The following GTF3C4 variants were observed in gnomAD, a reference collection of about 807,000 sequenced individuals.
The protein encoded by GTF3C4 is general transcription factor 3C polypeptide 4.
GTF3C4 carries 28 observed loss-of-function variants against 67.5 expected under a neutral mutation model. The ratio of observed to expected loss-of-function variants is 0.41; its 90% CI spans 0.31 to 0.57. The LOEUF (loss-of-function observed/expected upper bound fraction) is 0.57. Ranked by LOEUF, GTF3C4 falls within the 20% of genes least tolerant of loss-of-function variation. The pLI is 0.21. For synonymous variants in GTF3C4, 409 were observed against 393.0 expected (o/e 1.04, Z -0.48); for missense variants, 831 against 1,033.2 (o/e 0.80, Z 2.68).
intron 1 of GTF3C4, among the ~76,000 whole-genome samples, chr9:132,673,056 C>T (rs757057691): frequency 6.6e-6 from 1 of 152,164 alleles, no homozygotes; most frequent in South Asian, 2.1e-4. Context: ...TGGTGGCGGG[C>T]GCCTGTAGTC....
chr9:132,686,317 G>A (rs1836026543), intron 3 of GTF3C4, among the ~76,000 whole-genome samples: 1 of 152,178 alleles, frequency 6.6e-6, no homozygotes, highest in Admixed American at 6.5e-5. Context: ...AAATACCCCA[G>A]TATGATTTCT....
At chr9:132,670,051 G>T, upstream of GTF3C4, 1 of 1,564,598 alleles carries the variant, frequency 6.4e-7, no homozygotes, top group South Asian at 1.2e-5. Context: ...GGTCCGGAAC[G>T]GCTCCAGCTG....
chr9:132,670,312 C>G, upstream of GTF3C4: 2 of 1,489,366 alleles, frequency 1.3e-6, no homozygotes, highest in Non-Finnish European at 1.8e-6. Context: ...GAACTAAAGC[C>G]TGTCTGGGTA....
At position 132,670,700 on chromosome 9, in the gene GTF3C4, G is replaced by A; in HGVS notation, c.102G>A (p.Glu34=). The stretch of plus-strand genomic sequence containing the variant: ...GGGGCGGCGAGGCGGGCGGGAAGGA[G>A]CCAGCAGCGGACGCGGCCCCGGGGC... The part of the protein sequence containing the change: ...GEGGGEAGGK[E]PAADAAPGPS... The change falls in exon 1 of 5, where the codon GAG becomes GAA. Residue 34 remains glutamate, a synonymous_variant. Transcript: ENST00000372146. 2 of 1,523,996 alleles carry A rather than the reference G, an allele frequency of 1.3e-6. No individual in the cohort carries two copies. The highest frequency in any genetic ancestry group is 1.8e-6 in the Non-Finnish European group (2 of 1,142,504). The allele number at this position is 1,523,996 out of a possible 1,614,324, so 94.4% of individuals were successfully genotyped here. A position where few individuals can be genotyped will look rare whatever the true frequency, so the allele number is the denominator to read the frequency against.
At position 132,679,852 on chromosome 9, in the gene GTF3C4, C is replaced by G. The variant is rs1835915531; in HGVS notation, c.2184+49C>G. On this transcript the variant is annotated intron_variant, in intron 2 of 4. Transcript: ENST00000372146. The surrounding 1 kb of genome is among the most constrained non-coding windows in gnomAD (Gnocchi z 5.9). Reference sequence around the variant, plus strand: ...CTGAAATTGTAAAGCCTGCTTTCTTCATGAGAAAGAAATGACCTAAATTGA... The same window carrying G: ...CTGAAATTGTAAAGCCTGCTTTCTTGATGAGAAAGAAATGACCTAAATTGA... The G allele has an allele frequency of 6.7e-7, 1 of 1,488,532 alleles. No individual in the cohort carries two copies. Among genetic ancestry groups the G allele is most frequent in the African/African-American group, 1.4e-5 (1 of 71,126 alleles). 92.2% of individuals were successfully genotyped at this position (1,488,532 alleles called of 1,614,324 possible).
intron 3 of GTF3C4, among the ~76,000 whole-genome samples, chr9:132,686,114 T>C (rs904484862): frequency 1.7e-5 from 2 of 119,264 alleles, no homozygotes; most frequent in African/African-American, 7.4e-5. Flanking sequence ...TGATTACTTT[T>C]GTTTTTACAG....
intron 1 of GTF3C4, among the ~76,000 whole-genome samples, chr9:132,673,282 T>C (rs1445430038): frequency 6.6e-6 from 1 of 152,202 alleles, no homozygotes; most frequent in Non-Finnish European, 1.5e-5. Context: ...TGATAAAATT[T>C]TGACTGTCAT....
At position 132,691,346 on chromosome 9, in the gene GTF3C4, A is replaced by AGGTGC. The variant is rs763133339; in HGVS notation, c.*2402_*2406dup. 1.3e-5 allele frequency: 2 copies of AGGTGC among 152,224 alleles called. No homozygotes were observed. Among genetic ancestry groups the AGGTGC allele is most frequent in the Non-Finnish European group, 2.9e-5 (2 of 68,040 alleles). 9.4% of individuals were successfully genotyped at this position (152,224 alleles called of 1,614,324 possible). ...GTGGGAATGGCACCAGACGTTTTTC[A>AGGTGC]GGTGCCTCTTGCAATTCAAACTTAC... On this transcript the variant is annotated 3_prime_UTR_variant, in exon 5 of 5. Transcript: ENST00000372146.
At chr9:132,670,228 G>T (rs1835666497), upstream of GTF3C4, 3 of 1,536,868 alleles carry the variant, frequency 2.0e-6, no homozygotes, top group Non-Finnish European at 2.6e-6. Flanking sequence ...GAATGCCTCT[G>T]AGAAGCGAGA....
At chr9:132,682,978 T>C (rs939305529) in intron 2 of GTF3C4, among the ~76,000 whole-genome samples, 2 of 152,152 alleles carry the variant, frequency 1.3e-5, no homozygotes, top group Non-Finnish European at 2.9e-5. Context: ...ATTACCTCTC[T>C]CACTCCCAGC....
chr9:132,686,683 G>A (rs143998276), intron 3 of GTF3C4, among the ~76,000 whole-genome samples: 1 of 152,072 alleles, frequency 6.6e-6, no homozygotes, highest in Admixed American at 6.5e-5. Flanking sequence ...TTTTGCCTTC[G>A]ATATTCTTCA....
chr9:132,683,840 T>C, intron 3 of GTF3C4, 147 bp downstream of exon 3: 1 of 775,480 alleles, frequency 1.3e-6, no homozygotes, highest in Non-Finnish European at 2.0e-6. Context: ...TAAAGCCTGA[T>C]GTGGACTTTT....
Position 132,678,846 on chromosome 9 carries a change from A to G in GTF3C4, c.1227A>G (p.Ala409=), listed in dbSNP as rs1835901327. ...GGTGTCTTCTTCTGATCTCCAAAGC[A>G]GGGCTGAATGTTCACAATTCCCATG... ...VFWCLLLISK[A]GLNVHNSHVT... is the part of the protein sequence containing the mutation. Residue 409 remains alanine, a synonymous_variant, in exon 2 of 5, where the codon GCA becomes GCG. Coordinates refer to ENST00000372146, the MANE Select transcript of GTF3C4 (RefSeq NM_012204.4). The surrounding 1 kb of genome is among the most constrained non-coding windows in gnomAD (Gnocchi z 6.5). 1 of 1,614,212 alleles carries G rather than the reference A, an allele frequency of 6.2e-7. No individual in the cohort carries two copies. Among genetic ancestry groups the G allele is most frequent in the Non-Finnish European group, 8.5e-7 (1 of 1,180,034 alleles).
intron 4 of GTF3C4, among the ~76,000 whole-genome samples, chr9:132,687,551 A>G (rs1266308266): frequency 6.6e-6 from 1 of 152,236 alleles, no homozygotes; most frequent in Non-Finnish European, 1.5e-5. Context: ...TGCTTACTGC[A>G]TTTAGTATGT....
At chr9:132,681,766 A>G (rs1835948947) in intron 2 of GTF3C4, among the ~76,000 whole-genome samples, 1 of 152,144 alleles carries the variant, frequency 6.6e-6, no homozygotes, top group Admixed American at 6.5e-5. Context: ...AACACAGTTG[A>G]GAGTTCAGCT....
At chr9:132,677,779 C>T (rs535311534) in intron 1 of GTF3C4, among the ~76,000 whole-genome samples, 198 bp from the exon 2 acceptor site, 1 of 152,260 alleles carries the variant, frequency 6.6e-6, no homozygotes, top group East Asian at 1.9e-4. Context: ...AATTTGTTAA[C>T]ACCTTTTTTG....
At chr9:132,672,142 A>G (rs546848916) in intron 1 of GTF3C4, among the ~76,000 whole-genome samples, 7 of 152,348 alleles carry the variant, frequency 4.6e-5, no homozygotes, top group African/African-American at 1.4e-4. Context: ...CAAATCAGAT[A>G]GACAGATGCA....
rs887085265 is a variant in GTF3C4 at position 132,691,750 on chromosome 9, A to G, written c.*2805A>G. 3 of 152,184 alleles carry G rather than the reference A, an allele frequency of 2.0e-5. No individual in the cohort carries two copies. The highest frequency in any genetic ancestry group is 2.1e-4 in the South Asian group (1 of 4,832). The allele number at this position is 152,184 out of a possible 1,614,324, so 9.4% of individuals were successfully genotyped here. On this transcript the variant is annotated 3_prime_UTR_variant, in exon 5 of 5. Coordinates refer to ENST00000372146, the MANE Select transcript of GTF3C4 (RefSeq NM_012204.4). The stretch of plus-strand genomic sequence containing the variant: ...TGCCAAAACTACCAATTATTTTTCA[A>G]TGTCAGAAGTTATTAGAGCCACTGG...
At position 132,678,439 on chromosome 9, in the gene GTF3C4, G is replaced by A; in HGVS notation, c.820G>A (p.Val274Met). 6.2e-7 allele frequency: 1 copy of A among 1,614,222 alleles called. No homozygotes were observed. The highest frequency in any genetic ancestry group is 8.5e-7 in the Non-Finnish European group (1 of 1,180,048). The change falls in exon 2 of 5, where the codon GTG becomes ATG. Residue 274 changes from valine (V) to methionine (M), a missense_variant. This residue lies in a region of GTF3C4 where 390 missense variants were observed against 540.3 expected (regional missense o/e 0.72). Coordinates refer to ENST00000372146, the MANE Select transcript of GTF3C4 (RefSeq NM_012204.4). This position sits in a 1 kb window ranked among gnomAD's most constrained non-coding sequence, Gnocchi z 6.5. ...CAACGAATGCCGGGACGTTGGCAGT[G>A]TGCTCCTGGCTGTCCTCTTTGAAAA... ...HNNECRDVGS[V>M]LLAVLFENGN...
Sources: allele counts gnomAD v4.1 joint callset (sites outside exome capture counted in the v4.1 genomes callset), GRCh38; gene constraint gnomAD v4.1.1; regional missense constraint gnomAD v4.1.1; non-coding constraint Gnocchi (gnomAD v3.1); transcripts MANE v1.5; gene names NCBI Gene and HGNC (gene_info 2026-07-23, HGNC 2026-07-21).